OARD1: variants seen among roughly 807,000 people sequenced by gnomAD.
The protein encoded by OARD1 is ADP-ribose glycohydrolase OARD1.
A neutral mutation model predicts 19.7 loss-of-function variants in OARD1; 19 were observed. The observed-to-expected ratio is 0.96, with a 90% CI of 0.67 to 1.41. The LOEUF (loss-of-function observed/expected upper bound fraction) is 1.41. OARD1 is among the 40% of genes most tolerant of loss of function. The pLI is 0.00. For synonymous variants in OARD1, 70 were observed against 61.8 expected, an observed-to-expected ratio of 1.13 and a Z score of -0.62; for missense variants, 190 against 183.8, an observed-to-expected ratio of 1.03 and a Z score of -0.20.
chr6:41,079,061 A>G, intron 1 of OARD1: 1 of 1,608,638 alleles, frequency 6.2e-7, no homozygotes, highest in East Asian at 2.2e-5. Context: ...GGATCTCCAG[A>G]GTGGACAGGA....
chr6:41,086,431 AAAT>A (rs1183365721), intron 1 of OARD1, among the ~76,000 whole-genome samples: 1 of 152,206 alleles, frequency 6.6e-6, no homozygotes, highest in Non-Finnish European at 1.5e-5. Context: ...AAGCTGAAAA[AAAT>A]ATATTCTGTT....
intron 1 of OARD1, chr6:41,079,048 C>T (rs1206165399): frequency 1.8e-5 from 29 of 1,596,610 alleles, no homozygotes; most frequent in Non-Finnish European, 2.5e-5. Context: ...TCACAGCCTT[C>T]TAGGATCTCC....
chr6:41,071,438 T>C (rs1763381186), intron 2 of OARD1, 158 bp downstream of exon 2: 3 of 968,648 alleles, frequency 3.1e-6, no homozygotes, highest in Admixed American at 2.2e-5. Flanking sequence ...AGGAAAGTAA[T>C]GGATGATCCC....
At chr6:41,076,280 C>T (rs946327040), upstream of OARD1, among the ~76,000 whole-genome samples, 4 of 152,124 alleles carry the variant, frequency 2.6e-5, no homozygotes, top group African/African-American at 9.7e-5. Flanking sequence ...CAAAGTGCAT[C>T]TTGTGTTGTA....
chr6:41,075,805 T>G (rs544068750), upstream of OARD1: 87 of 152,240 alleles, frequency 5.7e-4, no homozygotes, highest in African/African-American at 2.1e-3. Context: ...CCCATATCAC[T>G]TTATCTCTTA....
At chr6:41,073,746 A>G (rs1763627003), upstream of OARD1, among the ~76,000 whole-genome samples, 1 of 151,728 alleles carries the variant, frequency 6.6e-6, no homozygotes, top group African/African-American at 2.4e-5. Context: ...TGGTGGGGAG[A>G]GGGGGCCGTT....
intron 1 of OARD1, among the ~76,000 whole-genome samples, chr6:41,094,224 A>G (rs770991593): frequency 2.0e-5 from 3 of 152,164 alleles, no homozygotes; most frequent in African/African-American, 4.8e-5. Context: ...GGTTAGCTAT[A>G]TTACTTACTA....
At chr6:41,095,605 A>AT (rs1315872120) in intron 1 of OARD1, among the ~76,000 whole-genome samples, 6 of 152,038 alleles carry the variant, frequency 3.9e-5, no homozygotes, top group Non-Finnish European at 8.8e-5. Flanking sequence ...TAATTTTTAA[A>AT]TTTTTTGTAG....
upstream of OARD1, among the ~76,000 whole-genome samples, chr6:41,074,133 C>T (rs1352974484): frequency 6.6e-6 from 1 of 152,054 alleles, no homozygotes; most frequent in African/African-American, 2.4e-5. Context: ...TTTTTGCCTT[C>T]GCCTTTCTAT....
chr6:41,087,437 C>G (rs1300176745), intron 1 of OARD1, among the ~76,000 whole-genome samples: 5 of 152,100 alleles, frequency 3.3e-5, no homozygotes, highest in Non-Finnish European at 5.9e-5. Flanking sequence ...TTCTTCTTTC[C>G]AGACCAAGGT....
chr6:41,079,314 C>T (rs1352815577), intron 1 of OARD1: 2 of 698,650 alleles, frequency 2.9e-6, no homozygotes, highest in Non-Finnish European at 4.9e-6. Context: ...AATGCCATGT[C>T]TAGCCCATGA....
At chr6:41,094,557 G>A in intron 1 of OARD1, 2 of 1,316,634 alleles carry the variant, frequency 1.5e-6, no homozygotes, top group South Asian at 1.2e-5. Context: ...TTGAGTTGAA[G>A]CCTTCAGCAG....
At chr6:41,090,387 TTGAG>T in intron 1 of OARD1, 2 of 817,320 alleles carry the variant, frequency 2.4e-6, no homozygotes, top group East Asian at 5.0e-5. Context: ...TCTTTAGAAT[TTGAG>T]TGGTGAACTT....
At chr6:41,093,170 C>A in intron 1 of OARD1, 1 of 1,214,428 alleles carries the variant, frequency 8.2e-7, no homozygotes, top group Non-Finnish European at 1.1e-6. Context: ...CTTGTTTTCT[C>A]ACGTACCTTC....
chr6:41,092,761 A>C (rs1210614433), intron 1 of OARD1: 1 of 668,696 alleles, frequency 1.5e-6, no homozygotes, highest in African/African-American at 1.8e-5. Context: ...TCTTTAGTAT[A>C]AATTTCTCCA....
At chr6:41,091,426 G>A (rs906854816) in intron 1 of OARD1, 1 of 1,149,794 alleles carries the variant, frequency 8.7e-7, no homozygotes, top group Non-Finnish European at 1.2e-6. Context: ...GTTTTGCCAG[G>A]ATCGGTGAGT....
intron 1 of OARD1, among the ~76,000 whole-genome samples, chr6:41,091,849 T>C (rs1764205374): frequency 6.6e-6 from 1 of 152,204 alleles, no homozygotes; most frequent in African/African-American, 2.4e-5. Context: ...TGACAAACCA[T>C]AATTCATTCT....
intron 1 of OARD1, among the ~76,000 whole-genome samples, chr6:41,077,599 A>G (rs1362029961): frequency 2.0e-5 from 3 of 152,214 alleles, no homozygotes; most frequent in Non-Finnish European, 4.4e-5. Context: ...CCCCTAACAG[A>G]CTCACAGTCT....
Position 41,065,917 on chromosome 6 carries a change from A to C in OARD1, c.*1418T>G, listed in dbSNP as rs1300433909. On this transcript the variant is annotated 3_prime_UTR_variant, in exon 6 of 6. Transcript: ENST00000424266. The stretch of plus-strand genomic sequence containing the variant: ...TAACTCTCAACACCACTGTAAGGGA[A>C]AACAAGAAAATGTCTAGTTTCCCGA... 1 of 152,250 alleles carries C rather than the reference A, an allele frequency of 6.6e-6. No individual in the cohort carries two copies. The highest frequency in any genetic ancestry group is 1.5e-5 in the Non-Finnish European group (1 of 68,058). The allele number at this position is 152,250 out of a possible 1,614,324, so 9.4% of individuals were successfully genotyped here.
Sources: gnomAD v4.1 joint callset for allele counts (sites outside exome capture counted in the v4.1 genomes callset) on GRCh38, gnomAD v4.1.1 for gene constraint, MANE v1.5 for transcripts, NCBI Gene and HGNC (gene_info 2026-07-23, HGNC 2026-07-21) for gene names.